Variants in ARNT2 observed in about 807,000 individuals in gnomAD.
ARNT2 encodes aryl hydrocarbon receptor nuclear translocator 2, also known as ARNT protein 2.
Under a neutral mutation model 91.7 loss-of-function variants are expected in ARNT2, and 36 were observed. That is an observed-to-expected ratio of 0.39 (90% CI 0.30 to 0.52). ARNT2 has a LOEUF of 0.52. ARNT2 is among the 20% of genes least tolerant of loss of function. The pLI is 0.72. For missense variants in ARNT2, 775 were observed against 939.3 expected (o/e 0.83, Z 2.29); for synonymous variants, 365 against 347.1 (o/e 1.05, Z -0.57).
intron 8 of ARNT2, among the ~76,000 whole-genome samples, chr15:80,525,490 T>C (rs1291281174): frequency 6.6e-6 from 1 of 151,872 alleles, no homozygotes; most frequent in Non-Finnish European, 1.5e-5. Context: ...TGACAGATAG[T>C]ATGTATTTCA....
intron 11 of ARNT2, among the ~76,000 whole-genome samples, chr15:80,557,177 C>G (rs938217908): frequency 6.6e-6 from 1 of 152,154 alleles, no homozygotes; most frequent in Non-Finnish European, 1.5e-5. Context: ...TCTTAACCCC[C>G]ACTCCTCCCT....
chr15:80,438,530 T>A (rs1896129564), intron 1 of ARNT2, among the ~76,000 whole-genome samples: 1 of 152,256 alleles, frequency 6.6e-6, no homozygotes, highest in African/African-American at 2.4e-5. Context: ...TGTTTATTGT[T>A]GTGAAGGCCA....
intron 5 of ARNT2, among the ~76,000 whole-genome samples, chr15:80,480,004 A>G (rs1037419514): frequency 2.6e-5 from 4 of 152,040 alleles, no homozygotes; most frequent in African/African-American, 4.8e-5. Context: ...CCTCGGTGGT[A>G]TTGGAGGAGC....
chr15:80,489,677 A>G (rs565926907), intron 5 of ARNT2, among the ~76,000 whole-genome samples: 2 of 152,214 alleles, frequency 1.3e-5, no homozygotes, highest in African/African-American at 2.4e-5. Context: ...ACCTCAGAAG[A>G]TAGCCCTTTC....
At chr15:80,505,947 T>TTTTTTTTTTTTTTTA in intron 5 of ARNT2, among the ~76,000 whole-genome samples, 1 of 121,238 alleles carries the variant, frequency 8.2e-6, no homozygotes, top group East Asian at 2.9e-4. Flanking sequence ...TTTTTTTTTT[T>TTTTTTTTTTTTTTTA]GAGACGGAGT....
chr15:80,503,671 C>T (rs950331493), intron 5 of ARNT2, among the ~76,000 whole-genome samples: 9 of 152,174 alleles, frequency 5.9e-5, no homozygotes, highest in African/African-American at 2.2e-4. Context: ...AAAAAGATGC[C>T]GTCTGTGAAG....
intron 1 of ARNT2, among the ~76,000 whole-genome samples, chr15:80,435,055 TC>T (rs1896066807): frequency 6.6e-6 from 1 of 152,090 alleles, no homozygotes; most frequent in Admixed American, 6.5e-5. Context: ...CTACCGGTTG[TC>T]GCCTGTACCA....
At chr15:80,563,273 C>T (rs1391763993) in intron 12 of ARNT2, 34 bp downstream of exon 12, 1 of 1,612,314 alleles carries the variant, frequency 6.2e-7, no homozygotes, top group Non-Finnish European at 8.5e-7. Flanking sequence ...TCCTGGAATC[C>T]ACATGCGCTT....
chr15:80,577,579 G>A (rs1898700193), intron 15 of ARNT2, among the ~76,000 whole-genome samples: 1 of 152,230 alleles, frequency 6.6e-6, no homozygotes. Flanking sequence ...AGCTCTTGGG[G>A]AGGGTATGTG....
At chr15:80,458,275 T>G (rs1211038057) in intron 3 of ARNT2, among the ~76,000 whole-genome samples, 1 of 152,198 alleles carries the variant, frequency 6.6e-6, no homozygotes, top group Non-Finnish European at 1.5e-5. Context: ...TAAAAAGTAT[T>G]TTTAAAAATT....
At chr15:80,468,151 G>A (rs980414727) in intron 3 of ARNT2, among the ~76,000 whole-genome samples, 2 of 151,998 alleles carry the variant, frequency 1.3e-5, no homozygotes, top group African/African-American at 4.8e-5. Context: ...GTGGACCAAC[G>A]GCATTTGTGC....
At chr15:80,553,511 T>C (rs998208942) in intron 10 of ARNT2, among the ~76,000 whole-genome samples, 9 of 152,176 alleles carry the variant, frequency 5.9e-5, no homozygotes, top group Admixed American at 6.5e-5. Flanking sequence ...TAAAATACTT[T>C]GAGAAGTACC....
chr15:80,571,199 G>T (rs1361887266), intron 12 of ARNT2, among the ~76,000 whole-genome samples: 1 of 152,186 alleles, frequency 6.6e-6, no homozygotes, highest in Non-Finnish European at 1.5e-5. Context: ...GGATCAGGCT[G>T]CCCCAAAACG....
chr15:80,584,227 G>C (rs1175719766), intron 17 of ARNT2, among the ~76,000 whole-genome samples: 1 of 152,172 alleles, frequency 6.6e-6, no homozygotes, highest in Non-Finnish European at 1.5e-5. Context: ...TCCCAGTGCA[G>C]GCAGAGGGGA....
At chr15:80,564,268 G>T (rs771147117) in intron 12 of ARNT2, among the ~76,000 whole-genome samples, 1 of 151,980 alleles carries the variant, frequency 6.6e-6, no homozygotes, top group African/African-American at 2.4e-5. Context: ...ATCCCTTCTC[G>T]GTAGCCTCCC....
intron 8 of ARNT2, among the ~76,000 whole-genome samples, chr15:80,525,487 T>A (rs140757158): frequency 6.6e-5 from 10 of 151,808 alleles, no homozygotes; most frequent in Non-Finnish European, 1.3e-4. Context: ...ACCTGACAGA[T>A]AGTATGTATT....
chr15:80,526,662 T>C (rs143109989), intron 8 of ARNT2, among the ~76,000 whole-genome samples: 84 of 152,286 alleles, frequency 5.5e-4, no homozygotes, highest in Middle Eastern at 6.8e-3. Flanking sequence ...TTGTGTGCTT[T>C]CTTAGTGGTG....
In ARNT2 at chr15:80,446,691, C is replaced by T. The variant is rs372344896; in HGVS notation, c.32-4189C>T. Reference sequence around the variant, plus strand: ...GTAAAATGGGATGAATTTCCATTTACTTTATAGGGTGGATGTAAAGCTTGT... The same window carrying T: ...GTAAAATGGGATGAATTTCCATTTATTTTATAGGGTGGATGTAAAGCTTGT... On this transcript the variant is annotated intron_variant, in intron 1 of 18. Transcript: ENST00000303329. 3.3e-5 allele frequency among the ~76,000 whole-genome samples: 5 copies of T among 152,332 alleles called. No individual in the cohort carries two copies. In the South Asian group the frequency reaches 1.0e-3, roughly 32 times the overall value.
At chr15:80,461,062 G>A (rs1896545376) in intron 3 of ARNT2, among the ~76,000 whole-genome samples, 1 of 152,166 alleles carries the variant, frequency 6.6e-6, no homozygotes, top group Admixed American at 6.5e-5. Context: ...TGCCGCAGGT[G>A]GGAAGAGGTT....
Sources: gnomAD v4.1 joint callset for allele counts (sites outside exome capture counted in the v4.1 genomes callset) on GRCh38, gnomAD v4.1.1 for gene constraint, MANE v1.5 for transcripts, NCBI Gene and HGNC (gene_info 2026-07-23, HGNC 2026-07-21) for gene names.